Variants in PTPRK observed in about 807,000 individuals in gnomAD.
PTPRK encodes protein tyrosine phosphatase receptor type K, also known as receptor-type tyrosine-protein phosphatase kappa.
PTPRK carries 75 observed loss-of-function variants against 178.0 expected under a neutral mutation model. That is an observed-to-expected ratio of 0.42 (90% CI 0.35 to 0.51). The LOEUF is 0.51. Among genes scored for constraint, PTPRK ranks in the 20% least tolerant of loss-of-function variants. The pLI is 0.02. For synonymous variants in PTPRK, 637 were observed against 620.6 expected, an observed-to-expected ratio of 1.03 and a Z score of -0.39; for missense variants, 1,441 against 1,797.8, an observed-to-expected ratio of 0.80 and a Z score of 3.59.
chr6:128,357,956 C>T (rs1277366438), intron 2 of PTPRK, among the ~76,000 whole-genome samples: 1 of 152,204 alleles, frequency 6.6e-6, no homozygotes, highest in Non-Finnish European at 1.5e-5. Flanking sequence ...GCCATCTCTA[C>T]TCACACAGCA....
chr6:128,234,496 A>C (rs1251854029), intron 5 of PTPRK, among the ~76,000 whole-genome samples: 1 of 152,164 alleles, frequency 6.6e-6, no homozygotes, highest in Non-Finnish European at 1.5e-5. Flanking sequence ...CTTATTCCCC[A>C]CAGGCAACAA....
At chr6:128,078,498 G>A (rs972369699) in intron 11 of PTPRK, among the ~76,000 whole-genome samples, 4 of 151,676 alleles carry the variant, frequency 2.6e-5, no homozygotes, top group East Asian at 1.9e-4. Flanking sequence ...TCAGTTACCC[G>A]TGTTTCAATT....
At chr6:128,345,257 T>TG (rs1832276388) in intron 2 of PTPRK, among the ~76,000 whole-genome samples, 3 of 152,138 alleles carry the variant, frequency 2.0e-5, no homozygotes, top group Admixed American at 2.0e-4. Context: ...GGAATATATA[T>TG]CTTTTTTTTG....
chr6:127,984,445 A>AT (rs970377370), intron 22 of PTPRK, among the ~76,000 whole-genome samples: 2 of 152,280 alleles, frequency 1.3e-5, no homozygotes, highest in South Asian at 2.1e-4. Context: ...CAAAATAAGG[A>AT]TTTTTTGCGG....
intron 3 of PTPRK, among the ~76,000 whole-genome samples, chr6:128,250,320 A>G (rs1354677772): frequency 6.6e-6 from 1 of 152,206 alleles, no homozygotes; most frequent in Non-Finnish European, 1.5e-5. Flanking sequence ...CCATGAACAT[A>G]TGATGATTAT....
At chr6:128,455,973 G>A (rs1053534801) in intron 1 of PTPRK, among the ~76,000 whole-genome samples, 3 of 152,028 alleles carry the variant, frequency 2.0e-5, no homozygotes, top group Non-Finnish European at 2.9e-5. Context: ...ATCTCCCAGC[G>A]TGAAATCAGT....
chr6:128,457,128 A>G (rs951113864), intron 1 of PTPRK, among the ~76,000 whole-genome samples: 2 of 152,208 alleles, frequency 1.3e-5, no homozygotes, highest in Middle Eastern at 3.4e-3. Context: ...ATCTGCAAAT[A>G]TCTCTCTAAT....
At chr6:128,180,710 T>G (rs1218236747) in intron 7 of PTPRK, among the ~76,000 whole-genome samples, 1 of 152,100 alleles carries the variant, frequency 6.6e-6, no homozygotes, top group African/African-American at 2.4e-5. Context: ...TATTGGAGAG[T>G]TAAGCACTAA....
At chr6:128,025,410 T>C (rs1244343378) in intron 13 of PTPRK, among the ~76,000 whole-genome samples, 1 of 152,162 alleles carries the variant, frequency 6.6e-6, no homozygotes, top group Non-Finnish European at 1.5e-5. Flanking sequence ...GTAAACACAT[T>C]TAAATCAAGA....
intron 2 of PTPRK, among the ~76,000 whole-genome samples, chr6:128,332,686 C>T (rs572238095): frequency 2.0e-5 from 3 of 152,164 alleles, no homozygotes; most frequent in Admixed American, 1.3e-4. Context: ...GGCACTTAAC[C>T]TTCATAACCT....
rs1253059075 is a variant in PTPRK at position 128,254,946 on chromosome 6, A to T, written c.496-12344T>A. Among the ~76,000 whole-genome samples the T allele has an allele frequency of 2.0e-5, 3 of 152,304 alleles. No individual in the cohort carries two copies. The East Asian group carries it at 5.8e-4, about 29-fold the overall frequency. On this transcript the variant is annotated intron_variant, in intron 3 of 29. Coordinates refer to ENST00000368226, the MANE Select transcript of PTPRK (RefSeq NM_002844.4). ...TAAAATGGGCCTGATTCATAGACCA[A>T]TGTTGTTACCCATATAAAACAAAAT...
intron 22 of PTPRK, among the ~76,000 whole-genome samples, chr6:127,983,766 G>A (rs1419216590): frequency 6.6e-6 from 1 of 152,130 alleles, no homozygotes; most frequent in Non-Finnish European, 1.5e-5. Context: ...ATCTAGTTGT[G>A]TGTCCTCTGG....
intron 1 of PTPRK, among the ~76,000 whole-genome samples, chr6:128,470,403 G>A (rs75145672): frequency 0.037 from 5,547 of 149,656 alleles, 333 homozygotes; most frequent in African/African-American, 0.12. Flanking sequence ...CCTCTAATGC[G>A]TTTTTTTTTA....
At chr6:127,999,120 C>A (rs1464059284) in intron 15 of PTPRK, among the ~76,000 whole-genome samples, 2 of 152,026 alleles carry the variant, frequency 1.3e-5, no homozygotes, top group Admixed American at 1.3e-4. Context: ...ATCAGCAAGA[C>A]AACAGACACT....
intron 1 of PTPRK, among the ~76,000 whole-genome samples, chr6:128,499,050 C>T (rs1855150253): frequency 6.6e-6 from 1 of 152,044 alleles, no homozygotes; most frequent in South Asian, 2.1e-4. Context: ...AATCAAAATG[C>T]AGCTTTATTT....
chr6:128,206,761 C>T (rs974521138), intron 6 of PTPRK, among the ~76,000 whole-genome samples: 4 of 151,978 alleles, frequency 2.6e-5, no homozygotes, highest in Admixed American at 6.6e-5. Flanking sequence ...GTGACTATTC[C>T]AGCCACAATG....
At chr6:128,270,240 A>G (rs1268567978) in intron 3 of PTPRK, among the ~76,000 whole-genome samples, 1 of 152,170 alleles carries the variant, frequency 6.6e-6, no homozygotes, top group Non-Finnish European at 1.5e-5. Context: ...TGCAATCAGC[A>G]TAAATATAAT....
At chr6:128,316,130 T>C (rs1432298069) in intron 3 of PTPRK, among the ~76,000 whole-genome samples, 1 of 152,236 alleles carries the variant, frequency 6.6e-6, no homozygotes, top group Admixed American at 6.5e-5. Context: ...CACATTTATC[T>C]GCCTGATCAA....
At chr6:128,347,179 T>C (rs1832538994) in intron 2 of PTPRK, among the ~76,000 whole-genome samples, 1 of 152,154 alleles carries the variant, frequency 6.6e-6, no homozygotes. Flanking sequence ...ATTTTAACCT[T>C]GATCTCTGAC....
Sources: allele counts gnomAD v4.1 joint callset (sites outside exome capture counted in the v4.1 genomes callset), GRCh38; gene constraint gnomAD v4.1.1; transcripts MANE v1.5; gene names NCBI Gene and HGNC (gene_info 2026-07-23, HGNC 2026-07-21).